Variants in RAPGEF5 observed in about 807,000 individuals in gnomAD.
RAPGEF5 encodes the protein M-Ras-regulated GEF.
RAPGEF5 carries 65 observed loss-of-function variants against 125.2 expected under a neutral mutation model. The ratio of observed to expected loss-of-function variants is 0.52; its 90% confidence interval spans 0.43 to 0.64. RAPGEF5 has a LOEUF of 0.64. Ranked by LOEUF, RAPGEF5 falls within the 30% of genes least tolerant of loss-of-function variation. The pLI is 0.00. For synonymous variants in RAPGEF5, 391 were observed against 385.9 expected, an observed-to-expected ratio of 1.01 and a Z score of -0.16; for missense variants, 958 against 1,048.1, an observed-to-expected ratio of 0.91 and a Z score of 1.19.
chr7:22,352,999 A>C (rs1043749922), intron 1 of RAPGEF5, among the ~76,000 whole-genome samples: 1 of 152,234 alleles, frequency 6.6e-6, no homozygotes, highest in African/African-American at 2.4e-5. Context: ...AAAAAGAGAG[A>C]TATCCAGACA....
intron 8 of RAPGEF5, among the ~76,000 whole-genome samples, chr7:22,221,063 T>G (rs1785775576): frequency 6.6e-6 from 1 of 152,182 alleles, no homozygotes; most frequent in Admixed American, 6.5e-5. Context: ...GGGGCAGTGG[T>G]ATCTCTTTAT....
chr7:22,191,845 G>T (rs535826722), intron 11 of RAPGEF5, among the ~76,000 whole-genome samples: 8 of 152,322 alleles, frequency 5.3e-5, no homozygotes, highest in African/African-American at 1.9e-4. Context: ...AAAATGAAAT[G>T]AAGCTAGGCC....
intron 5 of RAPGEF5, among the ~76,000 whole-genome samples, chr7:22,304,921 T>C (rs1381263428): frequency 6.6e-6 from 1 of 152,214 alleles, no homozygotes; most frequent in African/African-American, 2.4e-5. Flanking sequence ...GCTTTACTAT[T>C]GCAAGGCCCT....
intron 18 of RAPGEF5, among the ~76,000 whole-genome samples, chr7:22,148,301 C>G (rs1310324654): frequency 6.6e-6 from 1 of 152,148 alleles, no homozygotes; most frequent in Admixed American, 6.5e-5. Flanking sequence ...CTCTTTGTCC[C>G]CATTTTCTCC....
chr7:22,129,500 G>A (rs1782849458), intron 24 of RAPGEF5, among the ~76,000 whole-genome samples: 1 of 152,170 alleles, frequency 6.6e-6, no homozygotes, highest in Non-Finnish European at 1.5e-5. Context: ...TCCCGCAATT[G>A]TTTCATTAAT....
Position 22,140,017 on chromosome 7 carries a change from AG to A in RAPGEF5, c.2277+7del. On this transcript the variant is annotated splice_region_variant and intron_variant, in intron 21 of 25. Transcript: ENST00000665637. ...ATGTGCCCCTCACCATGGGACTCCAAGGCTCACCTCCCAGGTCTGCGACAGT... is the reference window on the plus strand; with the variant it reads ...ATGTGCCCCTCACCATGGGACTCCAAGCTCACCTCCCAGGTCTGCGACAGT... 6.4e-7 allele frequency: 1 copy of A among 1,556,616 alleles called. No homozygotes were observed. The highest frequency in any genetic ancestry group is 2.4e-5 in the East Asian group (1 of 41,538).
At chr7:22,339,967 TTTC>T (rs1290734483) in intron 1 of RAPGEF5, among the ~76,000 whole-genome samples, 3 of 152,202 alleles carry the variant, frequency 2.0e-5, no homozygotes, top group African/African-American at 4.8e-5. Flanking sequence ...CAGTTCCCCT[TTTC>T]TTCTTATGGG....
intron 24 of RAPGEF5, among the ~76,000 whole-genome samples, chr7:22,130,218 CA>C (rs973031098): frequency 3.9e-5 from 6 of 152,328 alleles, no homozygotes; most frequent in Middle Eastern, 6.8e-3. Context: ...GTTCATCTGT[CA>C]GATAAATCCA....
chr7:22,172,901 A>C (rs1182434208), intron 11 of RAPGEF5, among the ~76,000 whole-genome samples: 1 of 152,248 alleles, frequency 6.6e-6, no homozygotes, highest in Non-Finnish European at 1.5e-5. Flanking sequence ...TGAATTACCA[A>C]GAAAGCAAAT....
At chr7:22,212,258 C>A (rs1562763983) in intron 9 of RAPGEF5, among the ~76,000 whole-genome samples, 2 of 152,170 alleles carry the variant, frequency 1.3e-5, no homozygotes, top group South Asian at 4.1e-4. Flanking sequence ...CAGGCGTGAG[C>A]CACCACACCC....
intron 7 of RAPGEF5, among the ~76,000 whole-genome samples, chr7:22,237,472 C>CA (rs36017385): frequency 0.058 from 6,178 of 107,246 alleles, 402 homozygotes; most frequent in African/African-American, 0.16. Flanking sequence ...TTAGGCTTCT[C>CA]AAAAAAAAAA....
chr7:22,245,391 C>G (rs533521409), intron 7 of RAPGEF5, among the ~76,000 whole-genome samples: 19 of 152,202 alleles, frequency 1.2e-4, no homozygotes, highest in Non-Finnish European at 2.2e-4. Context: ...ATTGTCTAGA[C>G]CAATGTTATA....
intron 1 of RAPGEF5, among the ~76,000 whole-genome samples, chr7:22,326,271 C>T (rs7796863): frequency 0.4 from 61,187 of 151,960 alleles, 12,450 homozygotes; most frequent in East Asian, 0.46. Context: ...AATGGACCTC[C>T]GGGGGTCACC....
At chr7:22,177,371 G>A (rs1401140354) in intron 11 of RAPGEF5, among the ~76,000 whole-genome samples, 1 of 152,220 alleles carries the variant, frequency 6.6e-6, no homozygotes, top group Non-Finnish European at 1.5e-5. Context: ...CCAGGATGCT[G>A]AAGTTCCTTT....
Position 22,154,616 on chromosome 7 carries a change from A to G in RAPGEF5, c.1637-12T>C, listed in dbSNP as rs1212592680. On this transcript the variant is annotated splice_polypyrimidine_tract_variant and intron_variant, in intron 16 of 25. Transcript: ENST00000665637. Reference sequence around the variant, plus strand: ...CACGTGGCAGAAAACTGCACAAGTGAAAAGAATTGTTTGGAAACAGAGAAC... The same window carrying G: ...CACGTGGCAGAAAACTGCACAAGTGGAAAGAATTGTTTGGAAACAGAGAAC... 6.2e-7 allele frequency: 1 copy of G among 1,610,432 alleles called. No homozygotes were observed. The highest frequency in any genetic ancestry group is 8.5e-7 in the Non-Finnish European group (1 of 1,178,142).
intron 13 of RAPGEF5, among the ~76,000 whole-genome samples, chr7:22,161,023 C>T (rs1002981023): frequency 4.6e-5 from 6 of 130,416 alleles, no homozygotes; most frequent in African/African-American, 8.9e-5. Flanking sequence ...AGTGAAACCC[C>T]GTGTCTACTA....
At chr7:22,144,721 C>T (rs887235716) in intron 20 of RAPGEF5, among the ~76,000 whole-genome samples, 1 of 152,232 alleles carries the variant, frequency 6.6e-6, no homozygotes. Flanking sequence ...ATCATCATCC[C>T]CTTTTTTCTT....
chr7:22,326,796 C>T (rs978025853), intron 1 of RAPGEF5, among the ~76,000 whole-genome samples: 2 of 152,102 alleles, frequency 1.3e-5, no homozygotes, highest in African/African-American at 4.8e-5. Flanking sequence ...CACTATAAAG[C>T]AAAGCACCTA....
At chr7:22,202,149 A>C (rs1217511580) in intron 9 of RAPGEF5, among the ~76,000 whole-genome samples, 1 of 152,158 alleles carries the variant, frequency 6.6e-6, no homozygotes, top group Non-Finnish European at 1.5e-5. Context: ...AAAGGACAAA[A>C]TCTAGTCCAC....
Sources: gnomAD v4.1 joint callset for allele counts (sites outside exome capture counted in the v4.1 genomes callset) on GRCh38, gnomAD v4.1.1 for gene constraint, MANE v1.5 for transcripts, NCBI Gene and HGNC (gene_info 2026-07-23, HGNC 2026-07-21) for gene names.